The following PARK7 variants were observed in gnomAD, a reference collection of about 807,000 sequenced individuals.
The protein encoded by PARK7 is Parkinsonism associated deglycase, also known as Parkinson disease protein 7.
PARK7 carries 14 observed loss-of-function variants against 20.5 expected under a neutral mutation model. The ratio of observed to expected loss-of-function variants is 0.68; its 90% confidence interval spans 0.45 to 1.07. The LOEUF (loss-of-function observed/expected upper bound fraction) is 1.07. PARK7 is among the 50% of genes least tolerant of loss of function. PARK7 has a pLI of 0.00. For synonymous variants in PARK7, 98 were observed against 84.3 expected, an observed-to-expected ratio of 1.16 and a Z score of -0.89; for missense variants, 234 against 238.1, an observed-to-expected ratio of 0.98 and a Z score of 0.11.
At chr1:7,968,456 C>G (rs1640376693) in intron 3 of PARK7, among the ~76,000 whole-genome samples, 1 of 151,982 alleles carries the variant, frequency 6.6e-6, no homozygotes, top group African/African-American at 2.4e-5. Context: ...CCCCCCGTTA[C>G]ATTTTTCATA....
intron 4 of PARK7, among the ~76,000 whole-genome samples, chr1:7,970,163 C>A (rs1640433668): frequency 6.6e-6 from 1 of 151,980 alleles, no homozygotes; most frequent in African/African-American, 2.4e-5. Flanking sequence ...CCACTGCATT[C>A]TAGCCTGGGC....
intron 5 of PARK7, among the ~76,000 whole-genome samples, chr1:7,974,266 T>G (rs914424485): frequency 6.7e-6 from 1 of 149,826 alleles, no homozygotes; most frequent in African/African-American, 2.5e-5. Context: ...GAGGTTACAT[T>G]GAGATGTGGT....
At chr1:7,970,064 G>A (rs1640431490) in intron 4 of PARK7, among the ~76,000 whole-genome samples, 1 of 151,992 alleles carries the variant, frequency 6.6e-6, no homozygotes, top group South Asian at 2.1e-4. Context: ...GCACGGTGGT[G>A]CACACTTGTA....
intron 5 of PARK7, among the ~76,000 whole-genome samples, chr1:7,974,083 G>T (rs1640521405): frequency 6.6e-6 from 1 of 151,696 alleles, no homozygotes; most frequent in South Asian, 2.1e-4. Context: ...ACTGAGGTGG[G>T]AGGATCACTT....
At position 7,977,985 on chromosome 1, in the gene PARK7, C is replaced by CTT. The variant is rs34231723; in HGVS notation, c.409+275_409+276dup. 8.5e-3 allele frequency among the ~76,000 whole-genome samples: 458 copies of CTT among 53,576 alleles called. 120 individuals are homozygous for CTT. Among genetic ancestry groups the CTT allele is most frequent in the East Asian group, 0.056 (65 of 1,152 alleles). 35.1% of individuals were successfully genotyped at this position (53,576 alleles called of 152,430 possible). On this transcript the variant is annotated intron_variant, in intron 6 of 6. Transcript: ENST00000338639. ...ATGTTGGTCAGGCTGGTCTCAAACT[C>CTT]TTTTTTTTTTTTTTTTTTTTTTTTT...
rs1385080898 is a variant in PARK7, at chr1:7,962,819, A to G, written c.34A>G (p.Lys12Glu). 1.2e-6 allele frequency: 2 copies of G among 1,613,478 alleles called. No homozygotes were observed. The highest frequency in any genetic ancestry group is 1.7e-6 in the Non-Finnish European group (2 of 1,179,876). ...ASKRALVILA[K>E]GAEEMETVIP... is the part of the protein sequence containing the mutation. ...CAAAAGAGCTCTGGTCATCCTGGCT[A>G]AAGGAGCAGAGGAAATGGAGACGGT... Residue 12 changes from lysine to glutamate, a missense_variant, in exon 2 of 7, where the codon AAA becomes GAA. By Grantham distance (56) the Lys-to-Glu change is moderately conservative. Transcript: ENST00000338639.
At chr1:7,980,747 C>CA (rs1160182906) in intron 6 of PARK7, among the ~76,000 whole-genome samples, 1 of 152,232 alleles carries the variant, frequency 6.6e-6, no homozygotes, top group Non-Finnish European at 1.5e-5. Context: ...GGTAGGGCTG[C>CA]AGTCATCACC....
At chr1:7,974,471 T>C (rs1640532310) in intron 5 of PARK7, among the ~76,000 whole-genome samples, 1 of 151,506 alleles carries the variant, frequency 6.6e-6, no homozygotes, top group Non-Finnish European at 1.5e-5. Context: ...CTCCTAAAAA[T>C]ACAAAAAATT....
chr1:7,963,345 G>A (rs1046509905), intron 2 of PARK7, among the ~76,000 whole-genome samples: 10 of 151,228 alleles, frequency 6.6e-5, no homozygotes, highest in South Asian at 4.2e-4. Flanking sequence ...GACTACAGGC[G>A]TGAGCCACTG....
intron 3 of PARK7, 53 bp from the exon 4 acceptor site, chr1:7,969,292 T>C (rs1640400314): frequency 2.1e-6 from 3 of 1,425,096 alleles, no homozygotes; most frequent in African/African-American, 1.4e-5. Context: ...GTCAATTTAA[T>C]GCACAGTTGA....
rs764942388 is a variant in PARK7 at position 7,969,359 on chromosome 1, G to A, written c.207G>A (p.Val69=). 1 of 1,611,608 alleles carries A rather than the reference G, an allele frequency of 6.2e-7. No individual in the cohort carries two copies. Among genetic ancestry groups the A allele is most frequent in the Non-Finnish European group, 8.5e-7 (1 of 1,178,324 alleles). ...AACTGTTACAGGGACCATATGATGT[G>A]GTGGTTCTACCAGGAGGTAATCTGG... The part of the protein sequence containing the change: ...EDAKKEGPYD[V]VVLPGGNLGA... Residue 69 remains valine (V), a synonymous_variant, in exon 4 of 7, where the codon GTG becomes GTA. Coordinates refer to ENST00000338639, the MANE Select transcript of PARK7 (RefSeq NM_007262.5).
intron 4 of PARK7, among the ~76,000 whole-genome samples, chr1:7,969,813 C>T (rs542841422): frequency 6.6e-5 from 10 of 152,214 alleles, no homozygotes; most frequent in East Asian, 1.9e-4. Context: ...CTCCTGACCT[C>T]GTGATCCGCC....
Position 7,984,853 on chromosome 1 carries a change from T to C in PARK7, c.410-41T>C. ...GTAAGTAATCGTCTTTCTCGTCACA[T>C]AGCCCATTAGGATGTCACCTTTTCT... On this transcript the variant is annotated intron_variant, in intron 6 of 6. Coordinates refer to ENST00000338639, the MANE Select transcript of PARK7 (RefSeq NM_007262.5). This position sits in a 1 kb window ranked among gnomAD's most constrained non-coding sequence, Gnocchi z 4.3. 6.2e-7 allele frequency: 1 copy of C among 1,610,514 alleles called. No individual in the cohort carries two copies.
chr1:7,970,866 T>A, intron 4 of PARK7, 28 bp from the exon 5 acceptor site: 1 of 1,612,576 alleles, frequency 6.2e-7, no homozygotes, highest in East Asian at 2.2e-5. Context: ...ATGATAACTT[T>A]ATGTATTTTT....
At chr1:7,978,093 T>G (rs1640626284) in intron 6 of PARK7, among the ~76,000 whole-genome samples, 1 of 144,310 alleles carries the variant, frequency 6.9e-6, no homozygotes, top group African/African-American at 2.6e-5. Context: ...GCCTCCCGGG[T>G]TCAAGTGATT....
chr1:7,969,506 A>T, intron 4 of PARK7, 102 bp downstream of exon 4: 2 of 880,240 alleles, frequency 2.3e-6, no homozygotes, highest in Non-Finnish European at 3.6e-6. Context: ...TTATTATTCA[A>T]ATATTTCGGG....
At chr1:7,969,569 T>G (rs777912762) in intron 4 of PARK7, among the ~76,000 whole-genome samples, 165 bp downstream of exon 4, 1 of 151,358 alleles carries the variant, frequency 6.6e-6, no homozygotes, top group Non-Finnish European at 1.5e-5. Context: ...AATGGTGTTA[T>G]AGCATTAACT....
chr1:7,977,843 C>A, intron 6 of PARK7, 105 bp downstream of exon 6: 1 of 942,908 alleles, frequency 1.1e-6, no homozygotes, highest in South Asian at 1.3e-5. Context: ...TACTGCAATC[C>A]CTGCCTCCCG....
chr1:7,968,047 C>T (rs371380869), intron 3 of PARK7, among the ~76,000 whole-genome samples: 3 of 151,958 alleles, frequency 2.0e-5, no homozygotes, highest in East Asian at 1.9e-4. Flanking sequence ...CAGTGGTTCA[C>T]GCCTGTAATC....
Sources: gnomAD v4.1 joint callset for allele counts (sites outside exome capture counted in the v4.1 genomes callset) on GRCh38, gnomAD v4.1.1 for gene constraint, Gnocchi (gnomAD v3.1) non-coding constraint, MANE v1.5 for transcripts, NCBI Gene and HGNC (gene_info 2026-07-23, HGNC 2026-07-21) for gene names.